PTPRD: variants seen among roughly 807,000 people sequenced by gnomAD.
PTPRD encodes receptor-type tyrosine-protein phosphatase delta.
A neutral mutation model predicts 214.5 loss-of-function variants in PTPRD; 34 were observed. The ratio of observed to expected loss-of-function variants is 0.16; its 90% CI spans 0.12 to 0.21. The LOEUF (loss-of-function observed/expected upper bound fraction) is 0.21. PTPRD is among the 10% of genes least tolerant of loss of function. PTPRD has a pLI of 1.00. For missense variants in PTPRD, 2,545 were observed against 2,398.7 expected (o/e 1.06, Z -1.27); for synonymous variants, 1,128 against 845.7 (o/e 1.33, Z -5.79).
chr9:8,549,598 T>C (rs1000992257), intron 14 of PTPRD, among the ~76,000 whole-genome samples: 3 of 152,122 alleles, frequency 2.0e-5, no homozygotes, highest in Admixed American at 6.5e-5. Context: ...ATTTTAAACA[T>C]AGAGAAAAAT....
At chr9:8,973,155 A>G (rs1014212714) in intron 11 of PTPRD, among the ~76,000 whole-genome samples, 1 of 151,978 alleles carries the variant, frequency 6.6e-6, no homozygotes, top group Admixed American at 6.6e-5. Context: ...AGATGAATAT[A>G]TTGGACCCAG....
chr9:9,770,242 C>A (rs1304009183), intron 5 of PTPRD, among the ~76,000 whole-genome samples: 2 of 152,210 alleles, frequency 1.3e-5, no homozygotes, highest in Non-Finnish European at 2.9e-5. Context: ...AAAAGCGTTC[C>A]TATTTCTCCA....
At chr9:8,701,822 G>A (rs113750971) in intron 12 of PTPRD, among the ~76,000 whole-genome samples, 2 of 152,104 alleles carry the variant, frequency 1.3e-5, no homozygotes, top group Non-Finnish European at 2.9e-5. Flanking sequence ...ATTAAAAATA[G>A]AGTATTCCAT....
intron 4 of PTPRD, among the ~76,000 whole-genome samples, chr9:9,998,872 A>G (rs2382): frequency 0.06 from 9,128 of 152,300 alleles, 382 homozygotes; most frequent in Middle Eastern, 0.11. Context: ...TTTGGAAGAA[A>G]AGACATTTTC....
chr9:8,799,593 A>G (rs2096530344), intron 11 of PTPRD, among the ~76,000 whole-genome samples: 1 of 152,250 alleles, frequency 6.6e-6, no homozygotes, highest in African/African-American at 2.4e-5. Flanking sequence ...ATTTCTTTCC[A>G]GAAATCTAGC....
rs369948280 is a variant in PTPRD at position 10,409,804 on chromosome 9, A to G, written c.-599-68787T>C. On this transcript the variant is annotated intron_variant, in intron 2 of 45. Coordinates refer to ENST00000381196, the MANE Select transcript of PTPRD (RefSeq NM_002839.4). ...AGACACTCAGAAGCGGCCCATAGAG[A>G]CAGGATCTAAGGCCTCTTACTAACA... 1.5e-3 allele frequency among the ~76,000 whole-genome samples: 233 copies of G among 151,832 alleles called. 1 individual carries two copies. Among genetic ancestry groups the G allele is most frequent in the African/African-American group, 5.3e-3 (222 of 41,498 alleles).
chr9:9,028,954 T>C (rs759314673), intron 10 of PTPRD, among the ~76,000 whole-genome samples: 1 of 151,918 alleles, frequency 6.6e-6, no homozygotes, highest in African/African-American at 2.4e-5. Flanking sequence ...GAGTATTTTG[T>C]AGAGCTGCGT....
chr9:10,116,754 A>G (rs1309917144), intron 3 of PTPRD, among the ~76,000 whole-genome samples: 1 of 152,060 alleles, frequency 6.6e-6, no homozygotes, highest in East Asian at 1.9e-4. Flanking sequence ...CTTGACTCAT[A>G]GTGAAGTTCT....
At chr9:8,771,271 C>T (rs1599276282) in intron 11 of PTPRD, among the ~76,000 whole-genome samples, 1 of 151,830 alleles carries the variant, frequency 6.6e-6, no homozygotes, top group Non-Finnish European at 1.5e-5. Context: ...AAAATATTTT[C>T]CTAGTTATTT....
At chr9:9,282,817 C>T (rs1028060238) in intron 9 of PTPRD, among the ~76,000 whole-genome samples, 1 of 151,366 alleles carries the variant, frequency 6.6e-6, no homozygotes, top group African/African-American at 2.4e-5. Context: ...ATAAACTGTT[C>T]AAGATTAAGT....
chr9:8,533,691 ATAGT>A (rs1159922990), intron 14 of PTPRD, among the ~76,000 whole-genome samples: 5 of 152,008 alleles, frequency 3.3e-5, no homozygotes, highest in East Asian at 1.9e-4. Context: ...AACCGTAATA[ATAGT>A]TAGTATGTAA....
At chr9:9,169,412 A>T (rs10977544) in intron 10 of PTPRD, among the ~76,000 whole-genome samples, 24,542 of 152,142 alleles carry the variant, frequency 0.16, 2,523 homozygotes, top group Admixed American at 0.27. Flanking sequence ...TTGGAAAGAA[A>T]ATATAAATCC....
At chr9:9,133,948 A>G (rs974567007) in intron 10 of PTPRD, among the ~76,000 whole-genome samples, 17 of 151,602 alleles carry the variant, frequency 1.1e-4, no homozygotes, top group Non-Finnish European at 2.1e-4. Context: ...ACTCTAATAG[A>G]TCTCTCAGAC....
chr9:9,946,895 T>A (rs1020604639), intron 4 of PTPRD, among the ~76,000 whole-genome samples: 1 of 152,074 alleles, frequency 6.6e-6, no homozygotes, highest in Non-Finnish European at 1.5e-5. Context: ...AGCAGAACTA[T>A]GAATATTTGC....
At chr9:8,328,125 C>T (rs1835871170) in intron 44 of PTPRD, among the ~76,000 whole-genome samples, 1 of 152,114 alleles carries the variant, frequency 6.6e-6, no homozygotes. Flanking sequence ...ATGGTCTTTA[C>T]AATTTGGTGT....
intron 8 of PTPRD, among the ~76,000 whole-genome samples, chr9:9,568,790 T>C (rs1181266140): frequency 1.3e-5 from 2 of 151,802 alleles, no homozygotes; most frequent in Admixed American, 6.6e-5. Flanking sequence ...ACACATAGTA[T>C]AGAGGACTTC....
intron 10 of PTPRD, among the ~76,000 whole-genome samples, chr9:9,127,833 C>T (rs990190698): frequency 6.6e-6 from 1 of 152,136 alleles, no homozygotes; most frequent in Non-Finnish European, 1.5e-5. Context: ...TGCCTACAGA[C>T]AGGAATTTAG....
intron 9 of PTPRD, among the ~76,000 whole-genome samples, chr9:9,277,196 A>C: frequency 6.6e-6 from 1 of 151,446 alleles, no homozygotes; most frequent in Non-Finnish European, 1.5e-5. Context: ...AATATTTGTT[A>C]AATTTAATTG....
chr9:9,705,758 C>T (rs917112194), intron 7 of PTPRD, among the ~76,000 whole-genome samples: 1 of 152,092 alleles, frequency 6.6e-6, no homozygotes, highest in Non-Finnish European at 1.5e-5. Context: ...AGTTTTTTAT[C>T]TGTGCAGAAT....
Sources: allele counts gnomAD v4.1 joint callset (sites outside exome capture counted in the v4.1 genomes callset), GRCh38; gene constraint gnomAD v4.1.1; transcripts MANE v1.5; gene names NCBI Gene and HGNC (gene_info 2026-07-23, HGNC 2026-07-21).